ITGB5: variants seen among roughly 807,000 people sequenced by gnomAD.
ITGB5 encodes integrin subunit beta 5, also known as integrin beta-5.
Under a neutral mutation model 84.8 loss-of-function variants are expected in ITGB5, and 38 were observed. The observed-to-expected ratio is 0.45, with a 90% CI of 0.35 to 0.59. The LOEUF (loss-of-function observed/expected upper bound fraction) is 0.59. Among genes scored for constraint, ITGB5 ranks in the 20% least tolerant of loss-of-function variants. The pLI is 0.01. For missense variants in ITGB5, 905 were observed against 1,034.5 expected (o/e 0.87, Z 1.72); for synonymous variants, 393 against 414.4 (o/e 0.95, Z 0.63).
intron 9 of ITGB5, among the ~76,000 whole-genome samples, chr3:124,805,985 C>A (rs751540186): frequency 2.0e-5 from 3 of 152,114 alleles, no homozygotes; most frequent in Non-Finnish European, 4.4e-5. Context: ...CTGCAGCCTT[C>A]CCACATTTGA....
intron 4 of ITGB5, among the ~76,000 whole-genome samples, chr3:124,842,342 C>T (rs925774710): frequency 1.3e-5 from 2 of 152,210 alleles, no homozygotes; most frequent in African/African-American, 4.8e-5. Context: ...CTCCAAGTGG[C>T]CCTATTCCTG....
intron 1 of ITGB5, among the ~76,000 whole-genome samples, chr3:124,874,717 T>A (rs1474865895): frequency 6.6e-6 from 1 of 152,214 alleles, no homozygotes; most frequent in African/African-American, 2.4e-5. Flanking sequence ...TACAGTGAAC[T>A]GATCTTCAAC....
intron 8 of ITGB5, among the ~76,000 whole-genome samples, chr3:124,814,056 T>C (rs529938123): frequency 6.6e-6 from 1 of 152,222 alleles, no homozygotes; most frequent in East Asian, 1.9e-4. Flanking sequence ...AGACCAAATA[T>C]AATAACAAAA....
intron 10 of ITGB5, chr3:124,787,483 AAAG>A (rs2064098246): frequency 6.6e-6 from 1 of 152,224 alleles, no homozygotes; most frequent in African/African-American, 2.4e-5. Flanking sequence ...AAGTTTCAAG[AAAG>A]AAGTGGAAAA....
At chr3:124,864,342 A>C (rs2065354608) in intron 2 of ITGB5, among the ~76,000 whole-genome samples, 1 of 151,930 alleles carries the variant, frequency 6.6e-6, no homozygotes, top group Admixed American at 6.6e-5. Flanking sequence ...TCCTGACCTC[A>C]TGATCCACCC....
intron 12 of ITGB5, among the ~76,000 whole-genome samples, chr3:124,767,039 G>C (rs1001928337): frequency 1.3e-5 from 2 of 152,226 alleles, no homozygotes; most frequent in Non-Finnish European, 1.5e-5. Context: ...CAAGGTGGGG[G>C]TGTCACAGTC....
At chr3:124,788,444 G>A (rs1176063158) in intron 10 of ITGB5, among the ~76,000 whole-genome samples, 1 of 152,156 alleles carries the variant, frequency 6.6e-6, no homozygotes, top group African/African-American at 2.4e-5. Context: ...TGTTATCATT[G>A]CCTAAGGAAC....
intron 10 of ITGB5, among the ~76,000 whole-genome samples, chr3:124,777,214 G>C (rs2063938749): frequency 6.6e-6 from 1 of 152,216 alleles, no homozygotes; most frequent in Non-Finnish European, 1.5e-5. Flanking sequence ...CCCAAGGCCA[G>C]AGCTGCTGGC....
chr3:124,766,895 G>T (rs915128991), intron 12 of ITGB5, among the ~76,000 whole-genome samples: 1 of 152,240 alleles, frequency 6.6e-6, no homozygotes. Context: ...CATGCCTGGA[G>T]ATAAAGTGAG....
chr3:124,805,324 G>A (rs1275690860), intron 9 of ITGB5, among the ~76,000 whole-genome samples: 1 of 151,228 alleles, frequency 6.6e-6, no homozygotes, highest in Non-Finnish European at 1.5e-5. Context: ...TGTATTTTTG[G>A]GGGAGACTGG....
intron 10 of ITGB5, among the ~76,000 whole-genome samples, chr3:124,785,708 A>G (rs2150953928): frequency 6.6e-6 from 1 of 152,242 alleles, no homozygotes; most frequent in African/African-American, 2.4e-5. Flanking sequence ...AATTATAGTC[A>G]CGAAACGATG....
At chr3:124,800,014 C>T (rs543629490) in intron 9 of ITGB5, among the ~76,000 whole-genome samples, 1 of 152,296 alleles carries the variant, frequency 6.6e-6, no homozygotes, top group South Asian at 2.1e-4. Context: ...ATCAAGAATG[C>T]AGAGGTGAAT....
chr3:124,843,098 C>G (rs1475520839), intron 4 of ITGB5, among the ~76,000 whole-genome samples: 1 of 152,220 alleles, frequency 6.6e-6, no homozygotes, highest in Non-Finnish European at 1.5e-5. Context: ...TGTACTTGGA[C>G]AGGTGGAACT....
At chr3:124,858,133 CAAAA>C (rs63273260) in intron 3 of ITGB5, among the ~76,000 whole-genome samples, 4 of 83,822 alleles carry the variant, frequency 4.8e-5, no homozygotes, top group Admixed American at 1.2e-4. Context: ...TACCCCATCT[CAAAA>C]AAAAAAAAAA....
chr3:124,813,088 C>T (rs764670781), intron 8 of ITGB5, among the ~76,000 whole-genome samples: 5 of 152,154 alleles, frequency 3.3e-5, no homozygotes, highest in South Asian at 2.1e-4. Context: ...GCAGAGCTGA[C>T]GAAAACCTCT....
intron 12 of ITGB5, among the ~76,000 whole-genome samples, chr3:124,767,617 G>C (rs2063785503): frequency 6.6e-6 from 1 of 152,176 alleles, no homozygotes; most frequent in African/African-American, 2.4e-5. Flanking sequence ...AGAACCTGAG[G>C]TCGGCCAGGC....
At chr3:124,812,931 T>C (rs901690432) in intron 8 of ITGB5, among the ~76,000 whole-genome samples, 7 of 151,726 alleles carry the variant, frequency 4.6e-5, no homozygotes, top group East Asian at 1.9e-4. Context: ...CTAGGGGAGG[T>C]AAAAGCCAAC....
chr3:124,842,489 A>G (rs1302182630), intron 4 of ITGB5, among the ~76,000 whole-genome samples: 3 of 152,202 alleles, frequency 2.0e-5, no homozygotes, highest in African/African-American at 7.2e-5. Flanking sequence ...CCAGCCAGAG[A>G]AGAGCATGTG....
intron 1 of ITGB5, among the ~76,000 whole-genome samples, chr3:124,882,778 G>A (rs181322437): frequency 2.0e-5 from 3 of 152,328 alleles, no homozygotes; most frequent in African/African-American, 7.2e-5. Flanking sequence ...AACCAGCTCT[G>A]AAAATGTCTG....
Sources: allele counts gnomAD v4.1 joint callset (sites outside exome capture counted in the v4.1 genomes callset), GRCh38; gene constraint gnomAD v4.1.1; transcripts MANE v1.5; gene names NCBI Gene and HGNC (gene_info 2026-07-23, HGNC 2026-07-21).